The following MLLT3 variants were observed in gnomAD, a reference collection of about 807,000 sequenced individuals.
MLLT3 encodes the protein protein AF-9.
A neutral mutation model predicts 53.2 loss-of-function variants in MLLT3; 4 were observed. The ratio of observed to expected loss-of-function variants is 0.08; its 90% CI spans 0.04 to 0.17. MLLT3 has a LOEUF of 0.17. MLLT3 is among the 10% of genes least tolerant of loss of function. The probability of loss-of-function intolerance (pLI) is 1.00; values close to 1 mark genes in which losing one functional copy is unlikely to be tolerated. For synonymous variants in MLLT3, 283 were observed against 230.6 expected (o/e 1.23, Z -2.06); for missense variants, 569 against 684.0 (o/e 0.83, Z 1.87).
intron 2 of MLLT3, among the ~76,000 whole-genome samples, chr9:20,573,231 G>C (rs942689060): frequency 6.7e-6 from 1 of 149,692 alleles, no homozygotes; most frequent in African/African-American, 2.5e-5. Context: ...CCCAGGCTGA[G>C]TGTAGTGGCG....
At chr9:20,581,534 T>TC (rs1819792847) in intron 2 of MLLT3, among the ~76,000 whole-genome samples, 1 of 152,180 alleles carries the variant, frequency 6.6e-6, no homozygotes, top group Admixed American at 6.6e-5. Context: ...GAATTTTTTT[T>TC]CCCTTAAACT....
intron 2 of MLLT3, among the ~76,000 whole-genome samples, chr9:20,530,487 A>G (rs1346336582): frequency 6.6e-6 from 1 of 152,246 alleles, no homozygotes; most frequent in Non-Finnish European, 1.5e-5. Flanking sequence ...TAAAGGGGTT[A>G]AGCTGTCAGC....
In MLLT3 at chr9:20,369,002, G is replaced by T. The variant is rs1282412046; in HGVS notation, c.1126-3258C>A. Among the ~76,000 whole-genome samples, 5 of 152,304 alleles carry T rather than the reference G, an allele frequency of 3.3e-5. No individual in the cohort carries two copies. In the East Asian group the frequency reaches 9.6e-4, roughly 29 times the overall value. On this transcript the variant is annotated intron_variant, in intron 5 of 10. Coordinates refer to ENST00000380338, the MANE Select transcript of MLLT3 (RefSeq NM_004529.4). ...CACTTTGGTGGACAACAGAATGACA[G>T]GAGGACTTGTTAAAACACAGCCTAC...
chr9:20,622,183 C>A, intron 1 of MLLT3, 62 bp downstream of exon 1: 1 of 1,507,248 alleles, frequency 6.6e-7, no homozygotes, highest in East Asian at 2.3e-5. Flanking sequence ...TGGGCTGCGG[C>A]GGCGCAGGGC....
intron 4 of MLLT3, among the ~76,000 whole-genome samples, chr9:20,414,976 C>A (rs957296880): frequency 6.6e-6 from 1 of 152,052 alleles, no homozygotes; most frequent in Non-Finnish European, 1.5e-5. Flanking sequence ...CAACAGGGAG[C>A]AAAGCACAGA....
intron 4 of MLLT3, among the ~76,000 whole-genome samples, chr9:20,429,863 T>A (rs1214498439): frequency 6.6e-6 from 1 of 152,142 alleles, no homozygotes. Context: ...ATTATTAGAA[T>A]CAGTCCCTTT....
rs545693795 is a variant in MLLT3 at position 20,435,172 on chromosome 9, C to T, written c.420+12951G>A. Among the ~76,000 whole-genome samples the T allele has an allele frequency of 2.6e-4, 39 of 152,164 alleles. No individual in the cohort carries two copies. The South Asian group carries it at 3.1e-3, about 12-fold the overall frequency. On this transcript the variant is annotated intron_variant, in intron 4 of 10. Coordinates refer to ENST00000380338, the MANE Select transcript of MLLT3 (RefSeq NM_004529.4). ...TTTTTCTCCTGAAAGCACATGAGGG[C>T]GGCCTGGACTGGTGGCTGTGAATTT...
chr9:20,572,168 C>G (rs1330167767), intron 2 of MLLT3, among the ~76,000 whole-genome samples: 1 of 152,048 alleles, frequency 6.6e-6, no homozygotes, highest in Non-Finnish European at 1.5e-5. Flanking sequence ...GTCAAACTCA[C>G]AGAGGTAGAG....
chr9:20,379,608 C>T (rs2118692284), intron 5 of MLLT3, among the ~76,000 whole-genome samples: 1 of 152,172 alleles, frequency 6.6e-6, no homozygotes, highest in African/African-American at 2.4e-5. Flanking sequence ...AATTTTTCCC[C>T]TTAGGGAGAA....
chr9:20,361,816 T>C (rs1821330799), intron 7 of MLLT3, among the ~76,000 whole-genome samples: 1 of 152,226 alleles, frequency 6.6e-6, no homozygotes, highest in South Asian at 2.1e-4. Flanking sequence ...ATATAGCACC[T>C]AATGTAATAT....
intron 2 of MLLT3, among the ~76,000 whole-genome samples, chr9:20,488,226 A>G (rs1824861144): frequency 6.6e-6 from 1 of 152,044 alleles, no homozygotes; most frequent in Non-Finnish European, 1.5e-5. Context: ...GGGAATTACT[A>G]CTTAATAGGT....
chr9:20,456,740 A>G lies in MLLT3; in HGVS notation c.240T>C (p.Gly80=). ...PYKVEESGYA[G]FILPIEVYFK... ...AATAAACTTCAATTGGCAAAATGAA[A>G]CCAGCATACCCAGATTCTTCTACTT... Residue 80 remains glycine, a synonymous_variant, in exon 3 of 11, where the codon GGT becomes GGC. Coordinates refer to ENST00000380338, the MANE Select transcript of MLLT3 (RefSeq NM_004529.4). 2 of 1,607,876 alleles carry G rather than the reference A, an allele frequency of 1.2e-6. No homozygotes were observed. The highest frequency in any genetic ancestry group is 1.7e-6 in the Non-Finnish European group (2 of 1,178,346).
intron 2 of MLLT3, among the ~76,000 whole-genome samples, chr9:20,589,431 T>C (rs1395957262): frequency 1.0e-5 from 1 of 98,248 alleles, no homozygotes; most frequent in Admixed American, 1.3e-4. Context: ...CTGGGGACTG[T>C]TGTGGGGTGG....
intron 2 of MLLT3, among the ~76,000 whole-genome samples, chr9:20,494,598 C>G (rs1433523575): frequency 6.7e-6 from 1 of 149,366 alleles, no homozygotes; most frequent in Non-Finnish European, 1.5e-5. Flanking sequence ...ATTTTAACAG[C>G]ACGTGATGGC....
At chr9:20,487,303 C>T (rs1431424882) in intron 2 of MLLT3, among the ~76,000 whole-genome samples, 1 of 152,118 alleles carries the variant, frequency 6.6e-6, no homozygotes, top group African/African-American at 2.4e-5. Flanking sequence ...TTAATTCTAA[C>T]TATCCAAGGC....
intron 5 of MLLT3, among the ~76,000 whole-genome samples, chr9:20,377,169 TTAAG>T (rs1416308802): frequency 6.6e-6 from 1 of 152,168 alleles, no homozygotes; most frequent in Non-Finnish European, 1.5e-5. Context: ...TGGCCCATAA[TTAAG>T]TGTTATTGGA....
intron 2 of MLLT3, among the ~76,000 whole-genome samples, chr9:20,614,251 G>A (rs775498855): frequency 3.9e-5 from 6 of 152,144 alleles, no homozygotes; most frequent in East Asian, 3.9e-4. Flanking sequence ...AAAATTAGCC[G>A]GGCGTGGTGG....
At chr9:20,617,133 A>G (rs1230607295) in intron 2 of MLLT3, among the ~76,000 whole-genome samples, 1 of 152,220 alleles carries the variant, frequency 6.6e-6, no homozygotes, top group Non-Finnish European at 1.5e-5. Flanking sequence ...CGCTGAATCT[A>G]TCAGAACAGT....
rs1187515830 is a variant in MLLT3, at chr9:20,380,959, G to A, written c.1126-15215C>T. Among the ~76,000 whole-genome samples, 4 of 152,088 alleles carry A rather than the reference G, an allele frequency of 2.6e-5. No individual in the cohort carries two copies. The East Asian group carries it at 5.8e-4, about 22-fold the overall frequency. ...CTGAGCAAACTGCAGAATTCTCTGA[G>A]AATGGGCTGAGCAATGGCAGGAGGA... is the stretch of plus-strand genomic sequence containing the variant. On this transcript the variant is annotated intron_variant, in intron 5 of 10. Coordinates refer to ENST00000380338, the MANE Select transcript of MLLT3 (RefSeq NM_004529.4).
Sources: gnomAD v4.1 joint callset for allele counts (sites outside exome capture counted in the v4.1 genomes callset) on GRCh38, gnomAD v4.1.1 for gene constraint, MANE v1.5 for transcripts, NCBI Gene and HGNC (gene_info 2026-07-23, HGNC 2026-07-21) for gene names.